The following ADGRL2 variants were observed in gnomAD, a reference collection of about 807,000 sequenced individuals.
ADGRL2 encodes the protein adhesion G protein-coupled receptor L2.
Under a neutral mutation model 157.4 loss-of-function variants are expected in ADGRL2, and 44 were observed. That is an observed-to-expected ratio of 0.28 (90% CI 0.22 to 0.36). The LOEUF (loss-of-function observed/expected upper bound fraction) is 0.36. Ranked by LOEUF, ADGRL2 falls within the 10% of genes least tolerant of loss-of-function variation. ADGRL2 has a pLI of 1.00. For synonymous variants in ADGRL2, 585 were observed against 624.7 expected, an observed-to-expected ratio of 0.94 and a Z score of 0.95; for missense variants, 1,510 against 1,768.9, an observed-to-expected ratio of 0.85 and a Z score of 2.63.
At chr1:81,683,944 G>A (rs1162553079) in intron 3 of ADGRL2, among the ~76,000 whole-genome samples, 1 of 151,972 alleles carries the variant, frequency 6.6e-6, no homozygotes, top group Admixed American at 6.5e-5. Context: ...AGCCTCCTGA[G>A]TAGCTTGGAT....
intron 17 of ADGRL2, among the ~76,000 whole-genome samples, chr1:81,977,834 G>A (rs1660603426): frequency 6.6e-6 from 1 of 151,662 alleles, no homozygotes; most frequent in African/African-American, 2.4e-5. Flanking sequence ...ATGTTCAGAA[G>A]TTTGGGATAA....
chr1:81,857,898 A>T (rs1177717480), intron 2 of ADGRL2, among the ~76,000 whole-genome samples: 4 of 152,162 alleles, frequency 2.6e-5, no homozygotes, highest in Non-Finnish European at 4.4e-5. Flanking sequence ...ACAGCAATTA[A>T]TCTTCTTTAT....
At chr1:81,834,119 A>G (rs1181007889) in intron 1 of ADGRL2, among the ~76,000 whole-genome samples, 1 of 152,180 alleles carries the variant, frequency 6.6e-6, no homozygotes, top group Non-Finnish European at 1.5e-5. Context: ...TAAGAAATGA[A>G]CTATTACGTA....
chr1:81,384,321 A>G (rs2076397558), intron 1 of ADGRL2, among the ~76,000 whole-genome samples: 1 of 152,160 alleles, frequency 6.6e-6, no homozygotes, highest in Non-Finnish European at 1.5e-5. Flanking sequence ...AGTATAGTAA[A>G]TCTCATTTAC....
At chr1:81,642,156 G>A (rs1279666238) in intron 3 of ADGRL2, among the ~76,000 whole-genome samples, 2 of 150,698 alleles carry the variant, frequency 1.3e-5, no homozygotes, top group African/African-American at 4.9e-5. Flanking sequence ...GCTGAGGCAG[G>A]AGAATGGCAT....
chr1:81,769,437 T>TG (rs1397909742), intron 2 of ADGRL2, among the ~76,000 whole-genome samples: 1 of 152,124 alleles, frequency 6.6e-6, no homozygotes, highest in East Asian at 1.9e-4. Flanking sequence ...TGTCATGTGT[T>TG]GAATAGTTTA....
At chr1:81,427,015 C>T (rs551637910) in intron 1 of ADGRL2, 10 of 1,015,244 alleles carry the variant, frequency 9.8e-6, no homozygotes, top group East Asian at 2.4e-5. Context: ...TTCAGAAATA[C>T]CACAGTTGAT....
chr1:81,635,891 A>T (rs2082105717), intron 3 of ADGRL2, among the ~76,000 whole-genome samples: 1 of 152,202 alleles, frequency 6.6e-6, no homozygotes, highest in Non-Finnish European at 1.5e-5. Flanking sequence ...TCTTTATAGC[A>T]TCAGTCAGTG....
chr1:81,844,489 T>C (rs986946263), intron 2 of ADGRL2, among the ~76,000 whole-genome samples: 3 of 152,244 alleles, frequency 2.0e-5, no homozygotes, highest in South Asian at 2.1e-4. Context: ...TAGAACATGC[T>C]GTGTCTCAAA....
At chr1:81,531,904 T>C (rs1570409117) in intron 2 of ADGRL2, among the ~76,000 whole-genome samples, 1 of 152,156 alleles carries the variant, frequency 6.6e-6, no homozygotes, top group South Asian at 2.1e-4. Flanking sequence ...CCGTAAAACC[T>C]GGACCTACCA....
At chr1:81,633,900 CAT>C (rs2082062378) in intron 3 of ADGRL2, among the ~76,000 whole-genome samples, 1 of 152,142 alleles carries the variant, frequency 6.6e-6, no homozygotes, top group African/African-American at 2.4e-5. Flanking sequence ...GCGGTAGTAA[CAT>C]AAATGACTCT....
chr1:81,612,960 A>G (rs2081572604), intron 3 of ADGRL2, among the ~76,000 whole-genome samples: 1 of 152,216 alleles, frequency 6.6e-6, no homozygotes, highest in Non-Finnish European at 1.5e-5. Context: ...AGATTTGTGT[A>G]CCATGAAGGG....
At chr1:81,888,440 TTA>T (rs2094178464) in intron 2 of ADGRL2, among the ~76,000 whole-genome samples, 1 of 152,206 alleles carries the variant, frequency 6.6e-6, no homozygotes, top group South Asian at 2.1e-4. Flanking sequence ...TTTTTTTATT[TTA>T]TTTATTTATT....
chr1:81,514,752 C>T (rs1468489521), intron 2 of ADGRL2: 1 of 152,116 alleles, frequency 6.6e-6, no homozygotes, highest in Non-Finnish European at 1.5e-5. Context: ...GTACCAAAAA[C>T]CCCAAAATAT....
intron 2 of ADGRL2, among the ~76,000 whole-genome samples, chr1:81,906,472 G>T (rs1175696849): frequency 6.6e-6 from 1 of 152,098 alleles, no homozygotes; most frequent in Admixed American, 6.5e-5. Context: ...TAAATAAAGG[G>T]TATTTAAATG....
At chr1:81,871,992 A>G (rs1362540829) in intron 2 of ADGRL2, among the ~76,000 whole-genome samples, 4 of 152,170 alleles carry the variant, frequency 2.6e-5, no homozygotes, top group Admixed American at 2.6e-4. Flanking sequence ...TGTTTTAGAC[A>G]TGAAGTCCTT....
chr1:81,979,061 T>C (rs1016346661), intron 17 of ADGRL2, among the ~76,000 whole-genome samples: 1 of 151,748 alleles, frequency 6.6e-6, no homozygotes, highest in Non-Finnish European at 1.5e-5. Context: ...TAGAAACAAA[T>C]GCAAATTACC....
intron 6 of ADGRL2, 130 bp from the exon 7 acceptor site, chr1:81,950,059 C>T: frequency 1.4e-6 from 1 of 718,464 alleles, no homozygotes; most frequent in Non-Finnish European, 2.4e-6. Context: ...ATTCTCATTT[C>T]CTTGGTTTGT....
At chr1:81,792,833 T>G (rs533909834) in intron 2 of ADGRL2, among the ~76,000 whole-genome samples, 1 of 152,250 alleles carries the variant, frequency 6.6e-6, no homozygotes, top group South Asian at 2.1e-4. Flanking sequence ...GGAGAAAGTT[T>G]AAATAATGGT....
Sources: gnomAD v4.1 joint callset for allele counts (sites outside exome capture counted in the v4.1 genomes callset) on GRCh38, gnomAD v4.1.1 for gene constraint, MANE v1.5 for transcripts, NCBI Gene and HGNC (gene_info 2026-07-23, HGNC 2026-07-21) for gene names.